The following GASK1A variants were observed in gnomAD, a reference collection of about 807,000 sequenced individuals.
GASK1A encodes Golgi-associated kinase 1A.
Under a neutral mutation model 41.2 loss-of-function variants are expected in GASK1A, and 40 were observed. The observed-to-expected ratio is 0.97, with a 90% CI of 0.75 to 1.27. The LOEUF (loss-of-function observed/expected upper bound fraction) is 1.27. GASK1A is among the 50% of genes most tolerant of loss of function. The pLI is 0.00. For synonymous variants in GASK1A, 316 were observed against 307.1 expected, an observed-to-expected ratio of 1.03 and a Z score of -0.30; for missense variants, 678 against 745.1, an observed-to-expected ratio of 0.91 and a Z score of 1.05.
At chr3:42,991,959 G>A (rs537970558) in intron 1 of GASK1A, among the ~76,000 whole-genome samples, 2 of 152,272 alleles carry the variant, frequency 1.3e-5, no homozygotes, top group South Asian at 4.1e-4. Flanking sequence ...GACCTAGTTG[G>A]CTTTTACAGT....
chr3:43,037,332 G>A lies in GASK1A; in HGVS notation c.1290+3779G>A. The A allele has an allele frequency of 5.6e-6, 5 of 889,394 alleles. No homozygotes were observed. The South Asian group carries it at 6.5e-5, about 12-fold the overall frequency. The allele number at this position is 889,394 out of a possible 1,614,324, so 55.1% of individuals were successfully genotyped here. Reference sequence around the variant, plus strand: ...CAGGGCTCCCAGCCACTCTGAAAGTGCCTTGAATAATGACTCTAAAATGTG... The same window carrying A: ...CAGGGCTCCCAGCCACTCTGAAAGTACCTTGAATAATGACTCTAAAATGTG... On this transcript the variant is annotated intron_variant, in intron 2 of 4. Transcript: ENST00000430121.
At position 43,033,149 on chromosome 3, in the gene GASK1A, A is replaced by G. The variant is rs1020557134; in HGVS notation, c.886A>G (p.Thr296Ala). The change falls in exon 2 of 5, where the codon ACT (threonine) becomes GCT (alanine). Residue 296 changes from threonine to alanine, a missense_variant. Coordinates refer to ENST00000430121, the MANE Select transcript of GASK1A (RefSeq NM_001129908.3). ...GCAGGTGCTACAGGTTGGCTTCTCC[A>G]CTGAGGCTGCCCTTCAGGACCTGTC... ...HGQVLQVGFS[T>A]EAALQDLSSP... 1.4e-5 allele frequency: 22 copies of G among 1,550,716 alleles called. No individual in the cohort carries two copies. Among genetic ancestry groups the G allele is most frequent in the Non-Finnish European group, 1.9e-5 (22 of 1,146,456 alleles).
intron 1 of GASK1A, among the ~76,000 whole-genome samples, chr3:42,997,291 G>A (rs1291879902): frequency 5.3e-5 from 8 of 152,184 alleles, no homozygotes; most frequent in Non-Finnish European, 7.3e-5. Flanking sequence ...GGGTGAGAAG[G>A]CCCTCAATAA....
chr3:43,030,442 G>C (rs549104943), intron 1 of GASK1A, among the ~76,000 whole-genome samples: 3 of 152,292 alleles, frequency 2.0e-5, no homozygotes, highest in African/African-American at 7.2e-5. Context: ...TGGATGCTGC[G>C]CAGTCCCGAA....
chr3:43,033,211 C>T lies in GASK1A; in HGVS notation c.948C>T (p.Leu316=), dbSNP rs2089588187. 2.6e-6 allele frequency: 4 copies of T among 1,551,684 alleles called. No individual in the cohort carries two copies. Among genetic ancestry groups the T allele is most frequent in the Non-Finnish European group, 3.5e-6 (4 of 1,146,976 alleles). The stretch of plus-strand genomic sequence containing the variant: ...TCAGCCAACTCTGTTCCCAAGGGCT[C>T]TGTGGCCTGATCAAGAGGCCTGGGG... The part of the protein sequence containing the change: ...PRLSQLCSQG[L]CGLIKRPGDL... Residue 316 remains leucine (L), a synonymous_variant, in exon 2 of 5, where the codon CTC becomes CTT. Coordinates refer to ENST00000430121, the MANE Select transcript of GASK1A (RefSeq NM_001129908.3).
Position 43,033,011 on chromosome 3 carries a change from A to G in GASK1A, c.748A>G (p.Ser250Gly). ...GTGTGATGCTGAGACGCTGTTGAGCAGCTCGAGGACTGGTGGGCAGGCTCC... is the reference window on the plus strand; with the variant it reads ...GTGTGATGCTGAGACGCTGTTGAGCGGCTCGAGGACTGGTGGGCAGGCTCC... ...VWCDAETLLSSSRTGGQAPPW... is the reference protein window; with the variant it reads ...VWCDAETLLSGSRTGGQAPPW... Residue 250 changes from serine to glycine, a missense_variant, in exon 2 of 5, where the codon AGC (serine) becomes GGC (glycine). By Grantham distance (56) the Ser-to-Gly change is moderately conservative (BLOSUM62 0). Coordinates refer to ENST00000430121, the MANE Select transcript of GASK1A (RefSeq NM_001129908.3). 6.4e-7 allele frequency: 1 copy of G among 1,551,710 alleles called. No homozygotes were observed. Among genetic ancestry groups the G allele is most frequent in the Non-Finnish European group, 8.7e-7 (1 of 1,146,980 alleles).
chr3:43,028,508 T>C (rs945531182), intron 1 of GASK1A, among the ~76,000 whole-genome samples: 1 of 152,200 alleles, frequency 6.6e-6, no homozygotes, highest in Non-Finnish European at 1.5e-5. Context: ...GTAAATTAGC[T>C]AAACCCACCT....
intron 1 of GASK1A, 25 bp downstream of exon 1, chr3:42,979,670 C>G (rs779330632): frequency 1.0e-4 from 130 of 1,245,796 alleles, no homozygotes; most frequent in Non-Finnish European, 1.3e-4. Flanking sequence ...AAGGAACGCG[C>G]GAGCGGAGGG....
At chr3:42,998,213 A>C (rs2089387130) in intron 1 of GASK1A, among the ~76,000 whole-genome samples, 1 of 152,136 alleles carries the variant, frequency 6.6e-6, no homozygotes, top group Non-Finnish European at 1.5e-5. Context: ...AGGGTTCTCC[A>C]CCCAAGAGCT....
At chr3:43,051,648 A>G (rs754915292) in intron 2 of GASK1A, among the ~76,000 whole-genome samples, 18 of 152,082 alleles carry the variant, frequency 1.2e-4, no homozygotes, top group Admixed American at 3.3e-4. Flanking sequence ...GTTTGTCCCA[A>G]TTGTTATCCA....
Position 43,032,839 on chromosome 3 carries a change from A to T in GASK1A, c.576A>T (p.Thr192=). ...LPAWRATSGL[T]LWPHTAEGRD... is the part of the protein sequence containing the mutation. ...CTTGGAGAGCTACTTCTGGGCTGAC[A>T]CTCTGGCCCCATACAGCAGAAGGCA... The change falls in exon 2 of 5, where the codon ACA becomes ACT. Residue 192 remains threonine (T), a synonymous_variant. Transcript: ENST00000430121. 1 of 1,548,610 alleles carries T rather than the reference A, an allele frequency of 6.5e-7. No homozygotes were observed. Among genetic ancestry groups the T allele is most frequent in the Non-Finnish European group, 8.7e-7 (1 of 1,146,936 alleles).
chr3:43,013,199 A>G (rs2089472809), intron 1 of GASK1A, among the ~76,000 whole-genome samples: 1 of 151,618 alleles, frequency 6.6e-6, no homozygotes, highest in Non-Finnish European at 1.5e-5. Context: ...AGTCACTGGA[A>G]GGGGCAGTGA....
chr3:43,019,063 G>A (rs773884129), intron 1 of GASK1A, among the ~76,000 whole-genome samples: 10 of 152,178 alleles, frequency 6.6e-5, no homozygotes, highest in Non-Finnish European at 1.3e-4. Context: ...CTCATAAGAC[G>A]GGCATGAGGA....
chr3:43,044,190 A>G (rs2089651277), intron 2 of GASK1A, among the ~76,000 whole-genome samples: 1 of 152,214 alleles, frequency 6.6e-6, no homozygotes. Context: ...AATCCAGGGC[A>G]GTTATTGCAT....
At chr3:43,025,635 G>T (rs1227876584) in intron 1 of GASK1A, among the ~76,000 whole-genome samples, 2 of 152,192 alleles carry the variant, frequency 1.3e-5, no homozygotes, top group African/African-American at 4.8e-5. Context: ...CACAAAGCTG[G>T]TGAATAAATC....
chr3:43,056,404 G>A lies in GASK1A; in HGVS notation c.*18G>A, dbSNP rs1041143916. On this transcript the variant is annotated 3_prime_UTR_variant, in exon 5 of 5. Transcript: ENST00000430121. ...ACCCATAAGCCGCACACAGCCCTGA[G>A]TCAATGAGCATCCATCCTGATGGCC... 9 of 1,505,340 alleles carry A rather than the reference G, an allele frequency of 6.0e-6. No individual in the cohort carries two copies. The highest frequency in any genetic ancestry group is 5.3e-6 in the Non-Finnish European group (6 of 1,121,774). 93.2% of individuals were successfully genotyped at this position (1,505,340 alleles called of 1,614,324 possible). A position where few individuals can be genotyped will look rare whatever the true frequency, so the allele number is the denominator to read the frequency against.
At chr3:43,006,975 G>A (rs1028291423) in intron 1 of GASK1A, among the ~76,000 whole-genome samples, 1 of 151,766 alleles carries the variant, frequency 6.6e-6, no homozygotes, top group Non-Finnish European at 1.5e-5. Flanking sequence ...TCCGGGTTGT[G>A]TACCCCTCAG....
At position 43,008,223 on chromosome 3, in the gene GASK1A, G is replaced by A. The variant is rs913262077; in HGVS notation, c.4-24044G>A. Among the ~76,000 whole-genome samples, 5 of 152,242 alleles carry A rather than the reference G, an allele frequency of 3.3e-5. No homozygotes were observed. In the East Asian group the frequency reaches 5.8e-4, roughly 18 times the overall value. ...ATGATACCTCCCTTCCAGGGAGGTTGCAGGAAGTAGAGGAACTGTCTTATC... is the reference window on the plus strand; with the variant it reads ...ATGATACCTCCCTTCCAGGGAGGTTACAGGAAGTAGAGGAACTGTCTTATC... On this transcript the variant is annotated intron_variant, in intron 1 of 4. Transcript: ENST00000430121.
intron 1 of GASK1A, among the ~76,000 whole-genome samples, chr3:43,002,477 T>C (rs982724205): frequency 2.0e-5 from 3 of 152,316 alleles, no homozygotes; most frequent in African/African-American, 7.2e-5. Context: ...TCCTTTAGTA[T>C]AGCATTTCTC....
Sources: gnomAD v4.1 joint callset for allele counts (sites outside exome capture counted in the v4.1 genomes callset) on GRCh38, gnomAD v4.1.1 for gene constraint, MANE v1.5 for transcripts, NCBI Gene and HGNC (gene_info 2026-07-23, HGNC 2026-07-21) for gene names.